Variants in MVB12A observed in about 807,000 individuals in gnomAD.
MVB12A encodes CIN85/CD2AP family binding protein.
Under a neutral mutation model 34.3 loss-of-function variants are expected in MVB12A, and 30 were observed. The ratio of observed to expected loss-of-function variants is 0.88; its 90% CI spans 0.65 to 1.19. The LOEUF is 1.19. Ranked by LOEUF, MVB12A falls within the 50% of genes most tolerant of loss-of-function variation. MVB12A has a pLI of 0.00. For synonymous variants in MVB12A, 158 were observed against 158.9 expected (o/e 0.99, Z 0.04); for missense variants, 355 against 369.2 (o/e 0.96, Z 0.31).
At chr19:17,409,092 G>GT (rs1274663800) in intron 2 of MVB12A, among the ~76,000 whole-genome samples, 1 of 151,196 alleles carries the variant, frequency 6.6e-6, no homozygotes, top group South Asian at 2.1e-4. Context: ...GACTCACCAA[G>GT]TACTGGGATT....
In MVB12A at chr19:17,410,529, T is replaced by TATATATATATATAC; in HGVS notation, c.-5+4234_-5+4235insTATATATATATACA. 6.3e-3 allele frequency among the ~76,000 whole-genome samples: 470 copies of TATATATATATATAC among 74,160 alleles called. 8 individuals are homozygous for TATATATATATATAC. The highest frequency in any genetic ancestry group is 0.024 in the Middle Eastern group (3 of 126). The allele number at this position is 74,160 out of a possible 152,430, so 48.7% of individuals were successfully genotyped here. On this transcript the variant is annotated intron_variant, in intron 2 of 6. Coordinates refer to the MVB12A transcript ENST00000528604. ...ATATATATATATATATATATATATA[T>TATATATATATATAC]ACACACACACATATATATATACACA...
intron 7 of MVB12A, 104 bp from the exon 8 acceptor site, chr19:17,424,517 A>G: frequency 8.5e-7 from 1 of 1,173,030 alleles, no homozygotes; most frequent in South Asian, 1.3e-5. Context: ...TGTCCGAGGG[A>G]ATATTCGGGG....
upstream of MVB12A, chr19:17,419,997 C>A (rs897663549): frequency 6.7e-5 from 32 of 476,506 alleles, no homozygotes; most frequent in African/African-American, 6.4e-4. Context: ...GCGTATACTG[C>A]GCTTCCGGGC....
upstream of MVB12A, among the ~76,000 whole-genome samples, chr19:17,418,486 G>A (rs1461406391): frequency 1.3e-5 from 2 of 150,506 alleles, no homozygotes; most frequent in African/African-American, 4.9e-5. Flanking sequence ...TCCACCTCCC[G>A]GGTTCCAGTG....
intron 7 of MVB12A, 52 bp from the exon 8 acceptor site, chr19:17,424,567 AAG>A (rs1599609723): frequency 1.4e-5 from 22 of 1,586,082 alleles, no homozygotes; most frequent in Non-Finnish European, 1.5e-5. Flanking sequence ...AGACGAAGGA[AAG>A]GGGGTTTCAG....
At chr19:17,416,332 G>A (rs1175455102), upstream of MVB12A, among the ~76,000 whole-genome samples, 2 of 150,250 alleles carry the variant, frequency 1.3e-5, no homozygotes, top group African/African-American at 4.9e-5. Context: ...GACTGGTCTC[G>A]AACTCCTGAC....
rs2074862978 is a variant in MVB12A, at chr19:17,425,057, CCCT to C, written c.*66_*68del. The C allele has an allele frequency of 9.7e-6, 8 of 825,234 alleles. 1 individual carries two copies. Among genetic ancestry groups the C allele is most frequent in the South Asian group, 6.4e-5 (4 of 62,742 alleles). 51.1% of individuals were successfully genotyped at this position (825,234 alleles called of 1,614,324 possible). On this transcript the variant is annotated 3_prime_UTR_variant, in exon 9 of 9. Transcript: ENST00000317040. ...CTCCCCGCCAGCCTGGGGCCACCCCCCCTCACTGCATCCTGGGGCCACCCCCAC... is the reference window on the plus strand; with the variant it reads ...CTCCCCGCCAGCCTGGGGCCACCCCCCACTGCATCCTGGGGCCACCCCCAC...
Position 17,424,976 on chromosome 19 carries a change from C to T in MVB12A, c.805C>T (p.Pro269Ser). The T allele has an allele frequency of 4.4e-6, 7 of 1,607,748 alleles. No homozygotes were observed. Among genetic ancestry groups the T allele is most frequent in the African/African-American group, 1.3e-5 (1 of 74,844 alleles). The part of the protein sequence containing the change: ...VVEKTAAARL[P>S]PSVS Reference sequence around the variant, plus strand: ...GGAGAAGACCGCGGCTGCCCGCCTGCCCCCCAGCGTCTCATAGTCCCTCAC... The same window carrying T: ...GGAGAAGACCGCGGCTGCCCGCCTGTCCCCCAGCGTCTCATAGTCCCTCAC... Residue 269 changes from proline to serine, a missense_variant, in exon 9 of 9, where the codon CCC (proline) becomes TCC (serine). Coordinates refer to ENST00000317040, the MANE Select transcript of MVB12A (RefSeq NM_138401.4).
At chr19:17,406,924 G>T (rs1001694957) in intron 2 of MVB12A, among the ~76,000 whole-genome samples, 1 of 152,156 alleles carries the variant, frequency 6.6e-6, no homozygotes, top group African/African-American at 2.4e-5. Context: ...GGACCTACCA[G>T]CCTGGCCAGG....
At chr19:17,408,601 C>T (rs1257563126) in intron 2 of MVB12A, among the ~76,000 whole-genome samples, 1 of 150,164 alleles carries the variant, frequency 6.7e-6, no homozygotes, top group Non-Finnish European at 1.5e-5. Flanking sequence ...CGCCCACCGC[C>T]ATGCCTGGCT....
rs1599609364 is a variant in MVB12A at position 17,423,989 on chromosome 19, T to G, written c.641-17T>G. The G allele has an allele frequency of 2.5e-6, 4 of 1,613,950 alleles. No homozygotes were observed. In the East Asian group the frequency reaches 8.9e-5, roughly 36 times the overall value. ...GTTCCCTACACCTCACCTCCTCCCC[T>G]CGCACGTGTTTTTCAGCCATGGATG... On this transcript the variant is annotated splice_polypyrimidine_tract_variant and intron_variant, in intron 6 of 8. Coordinates refer to ENST00000317040, the MANE Select transcript of MVB12A (RefSeq NM_138401.4).
At chr19:17,418,479 A>G (rs1599605147), upstream of MVB12A, among the ~76,000 whole-genome samples, 1 of 149,650 alleles carries the variant, frequency 6.7e-6, no homozygotes, top group Non-Finnish European at 1.5e-5. Context: ...TGCAACCTCC[A>G]CCTCCCGGGT....
At chr19:17,418,866 T>C (rs191930737), upstream of MVB12A, 212 of 142,412 alleles carry the variant, frequency 1.5e-3, 1 homozygote, top group African/African-American at 5.2e-3. Flanking sequence ...ACTGGGAAAG[T>C]TCTCTTTCTT....
chr19:17,422,873 C>T (rs543087335), intron 4 of MVB12A: 1 of 152,978 alleles, frequency 6.5e-6, no homozygotes, highest in South Asian at 2.0e-4. Context: ...TCACTTGAAC[C>T]TGGAAGGCGG....
upstream of MVB12A, chr19:17,420,021 C>CCCCA (rs1555735881): frequency 1.8e-5 from 8 of 439,830 alleles, no homozygotes; most frequent in African/African-American, 1.4e-4. Context: ...CTCCGCCCCC[C>CCCCA]CCCCCCGCAT....
intron 2 of MVB12A, among the ~76,000 whole-genome samples, chr19:17,410,587 T>TAC (rs1181843335): frequency 1.5e-5 from 2 of 133,536 alleles, no homozygotes; most frequent in Admixed American, 7.7e-5. Flanking sequence ...CATATATATA[T>TAC]ACACACATAT....
Position 17,425,209 on chromosome 19 carries a change from CCCTGCCGGGCA to C in MVB12A, c.*217_*227del, listed in dbSNP as rs2074864670. 3.8e-6 allele frequency: 2 copies of C among 528,360 alleles called. No individual in the cohort carries two copies. The highest frequency in any genetic ancestry group is 6.7e-6 in the Non-Finnish European group (2 of 300,222). 32.7% of individuals were successfully genotyped at this position (528,360 alleles called of 1,614,324 possible). A position where few individuals can be genotyped will look rare whatever the true frequency, so the allele number is the denominator to read the frequency against. ...TGGTGATGGGGTCTCCGCCCCCACG[CCCTGCCGGGCA>C]GGGCTGGAGCTGGACAGAAGCCAGT... On this transcript the variant is annotated 3_prime_UTR_variant, in exon 9 of 9. Coordinates refer to ENST00000317040, the MANE Select transcript of MVB12A (RefSeq NM_138401.4).
chr19:17,411,443 C>T (rs1213483910), intron 2 of MVB12A, among the ~76,000 whole-genome samples: 2 of 151,940 alleles, frequency 1.3e-5, no homozygotes, highest in Non-Finnish European at 2.9e-5. Context: ...CAGCCTTTGA[C>T]CTCCTGGGCT....
intron 8 of MVB12A, 51 bp from the exon 9 acceptor site, chr19:17,424,880 G>A: frequency 2.1e-6 from 3 of 1,414,242 alleles, no homozygotes; most frequent in Non-Finnish European, 2.0e-6. Context: ...TCCCCCTTTG[G>A]CCCTCTCTTT....
Sources: allele counts gnomAD v4.1 joint callset (sites outside exome capture counted in the v4.1 genomes callset), GRCh38; gene constraint gnomAD v4.1.1; transcripts MANE v1.5; gene names NCBI Gene and HGNC (gene_info 2026-07-23, HGNC 2026-07-21).